Variants in AP3S2 observed in about 807,000 individuals in gnomAD.
AP3S2 encodes the protein adaptor related protein complex 3 subunit sigma 2.
In AP3S2, 22 loss-of-function variants were observed where a neutral mutation model predicts 23.4. The ratio of observed to expected loss-of-function variants is 0.94; its 90% CI spans 0.67 to 1.34. The LOEUF is 1.34. AP3S2 is among the 40% of genes most tolerant of loss of function. The probability of loss-of-function intolerance (pLI) is 0.00; values close to 1 mark genes in which losing one functional copy is unlikely to be tolerated. For missense variants in AP3S2, 241 were observed against 236.9 expected (o/e 1.02, Z -0.11); for synonymous variants, 86 against 87.1 (o/e 0.99, Z 0.07).
At chr15:89,852,739 G>C (rs1007520464) in intron 4 of AP3S2, 12 of 152,218 alleles carry the variant, frequency 7.9e-5, no homozygotes, top group African/African-American at 2.9e-4. Context: ...CTGTTTCTAA[G>C]GAGACCATCT....
intron 4 of AP3S2, among the ~76,000 whole-genome samples, chr15:89,853,121 G>A (rs1596195526): frequency 6.6e-6 from 1 of 152,154 alleles, no homozygotes; most frequent in African/African-American, 2.4e-5. Context: ...AGGGGAGTGA[G>A]GCATGTCCTT....
At chr15:89,877,438 CACGTA>C in intron 3 of AP3S2, 2 of 1,265,330 alleles carry the variant, frequency 1.6e-6, no homozygotes, top group Non-Finnish European at 2.1e-6. Context: ...TGGTAAAATA[CACGTA>C]ACATAAAATT....
intron 5 of AP3S2, 118 bp downstream of exon 5, chr15:89,837,497 G>A (rs1895221521): frequency 1.0e-5 from 12 of 1,159,790 alleles, no homozygotes; most frequent in African/African-American, 3.0e-5. Context: ...AAGGAAGAAA[G>A]AAGATGAGTA....
At chr15:89,884,393 AT>A (rs1342266506) in intron 3 of AP3S2, among the ~76,000 whole-genome samples, 2 of 152,122 alleles carry the variant, frequency 1.3e-5, no homozygotes, top group African/African-American at 4.8e-5. Context: ...CTAGAAAAGA[AT>A]ATCTAGTATC....
chr15:89,882,161 A>G (rs1276922907), intron 3 of AP3S2, among the ~76,000 whole-genome samples: 2 of 152,078 alleles, frequency 1.3e-5, no homozygotes, highest in African/African-American at 4.8e-5. Flanking sequence ...AACATGCATT[A>G]TGATTAGAAA....
intron 4 of AP3S2, among the ~76,000 whole-genome samples, chr15:89,863,679 C>T (rs1829200771): frequency 6.6e-6 from 1 of 152,170 alleles, no homozygotes; most frequent in Admixed American, 6.5e-5. Flanking sequence ...CTGGTCTTTA[C>T]ACAGGCCTAC....
chr15:89,844,658 C>G (rs1012148336), intron 4 of AP3S2, among the ~76,000 whole-genome samples: 1 of 151,914 alleles, frequency 6.6e-6, no homozygotes, highest in African/African-American at 2.4e-5. Context: ...CTAGAAGGAT[C>G]TCTTCTGCTG....
At chr15:89,848,387 G>A (rs1232423635) in intron 4 of AP3S2, among the ~76,000 whole-genome samples, 1 of 152,222 alleles carries the variant, frequency 6.6e-6, no homozygotes, top group Non-Finnish European at 1.5e-5. Context: ...TTGATACAGA[G>A]TCTCGCTCTG....
chr15:89,870,390 G>GT (rs945937894), intron 4 of AP3S2, among the ~76,000 whole-genome samples: 11 of 152,300 alleles, frequency 7.2e-5, no homozygotes, highest in African/African-American at 2.6e-4. Context: ...CCAAAGTTAA[G>GT]TATCTAAAGA....
rs575524346 is a variant in AP3S2 at position 89,837,913 on chromosome 15, G to A, written c.346-191C>T. 34 of 556,916 alleles carry A rather than the reference G, an allele frequency of 6.1e-5. No homozygotes were observed. The East Asian group carries it at 9.5e-4, about 16-fold the overall frequency. The allele number at this position is 556,916 out of a possible 1,614,324, so 34.5% of individuals were successfully genotyped here. A position where few individuals can be genotyped will look rare whatever the true frequency, so the allele number is the denominator to read the frequency against. ...CCCAGGTCTTGGCACATGGCAACAC[G>A]AATCTCTCCCCTCAGCAGCGAGGTG... On this transcript the variant is annotated intron_variant, in intron 4 of 5. Coordinates refer to ENST00000336418, the MANE Select transcript of AP3S2 (RefSeq NM_005829.5).
intron 5 of AP3S2, among the ~76,000 whole-genome samples, chr15:89,837,224 G>C (rs1895214965): frequency 6.6e-6 from 1 of 152,204 alleles, no homozygotes; most frequent in South Asian, 2.1e-4. Context: ...TGGGAGATCA[G>C]ACTCTTAGAG....
At chr15:89,874,818 T>C (rs1385654774) in intron 3 of AP3S2, among the ~76,000 whole-genome samples, 2 of 152,126 alleles carry the variant, frequency 1.3e-5, no homozygotes, top group Non-Finnish European at 2.9e-5. Context: ...AGTATAATTC[T>C]AAGATGGGAA....
intron 1 of AP3S2, chr15:89,893,466 C>A: frequency 2.7e-6 from 1 of 371,060 alleles, no homozygotes; most frequent in Non-Finnish European, 4.8e-6. Context: ...AAGAACTTTT[C>A]CAGTTCTGGC....
At chr15:89,869,378 G>A (rs1342284379) in intron 4 of AP3S2, among the ~76,000 whole-genome samples, 1 of 146,832 alleles carries the variant, frequency 6.8e-6, no homozygotes, top group African/African-American at 2.5e-5. Context: ...GGCAGCATGC[G>A]CGTTAAGAGT....
chr15:89,865,372 A>T (rs953653110), intron 4 of AP3S2: 1 of 152,206 alleles, frequency 6.6e-6, no homozygotes, highest in Non-Finnish European at 1.5e-5. Flanking sequence ...AAGGCATATT[A>T]GTATAATTTT....
chr15:89,887,660 C>T (rs1220287062), intron 3 of AP3S2, among the ~76,000 whole-genome samples: 1 of 150,288 alleles, frequency 6.7e-6, no homozygotes, highest in Non-Finnish European at 1.5e-5. Context: ...CCGCACCCGG[C>T]CTATTTATTT....
At chr15:89,846,087 C>A (rs1052983113) in intron 4 of AP3S2, among the ~76,000 whole-genome samples, 1 of 152,104 alleles carries the variant, frequency 6.6e-6, no homozygotes, top group Non-Finnish European at 1.5e-5. Context: ...GAAAATGCTT[C>A]GGGTGATAAA....
intron 4 of AP3S2, among the ~76,000 whole-genome samples, chr15:89,843,640 A>AAAAC (rs1404904606): frequency 6.6e-6 from 1 of 151,950 alleles, no homozygotes. Flanking sequence ...ATCTCAGAAA[A>AAAAC]AAACAAACAA....
rs75896499 is a variant in AP3S2, at chr15:89,843,857, G to A, written c.346-6135C>T. Among the ~76,000 whole-genome samples, 360 of 152,148 alleles carry A rather than the reference G, an allele frequency of 2.4e-3. 1 individual carries two copies. The highest frequency in any genetic ancestry group is 7.4e-3 in the African/African-American group (308 of 41,520). ...CAAAAAAACTACGGCAAAAACTTAC[G>A]GTGAGCACTGAAAACTACTTAACTG... On this transcript the variant is annotated intron_variant, in intron 4 of 5. Coordinates refer to ENST00000336418, the MANE Select transcript of AP3S2 (RefSeq NM_005829.5).
Sources: gnomAD v4.1 joint callset for allele counts (sites outside exome capture counted in the v4.1 genomes callset) on GRCh38, gnomAD v4.1.1 for gene constraint, MANE v1.5 for transcripts, NCBI Gene and HGNC (gene_info 2026-07-23, HGNC 2026-07-21) for gene names.